ADHFE1: variants seen among roughly 807,000 people sequenced by gnomAD.
The protein encoded by ADHFE1 is alcohol dehydrogenase iron containing 1, also known as hydroxyacid-oxoacid transhydrogenase, mitochondrial.
Under a neutral mutation model 54.8 loss-of-function variants are expected in ADHFE1, and 37 were observed. That is an observed-to-expected ratio of 0.68 (90% CI 0.52 to 0.89). ADHFE1 has a LOEUF of 0.89. Among genes scored for constraint, ADHFE1 ranks in the 40% least tolerant of loss-of-function variants. The probability of loss-of-function intolerance (pLI) is 0.00; values close to 1 mark genes in which losing one functional copy is unlikely to be tolerated. For synonymous variants in ADHFE1, 203 were observed against 229.3 expected, an observed-to-expected ratio of 0.89 and a Z score of 1.04; for missense variants, 601 against 591.2, an observed-to-expected ratio of 1.02 and a Z score of -0.17.
At chr8:66,450,813 TG>T (rs1409526918) in intron 8 of ADHFE1, among the ~76,000 whole-genome samples, 1 of 152,256 alleles carries the variant, frequency 6.6e-6, no homozygotes, top group African/African-American at 2.4e-5. Flanking sequence ...ACCTCATTCT[TG>T]CATTATTCAC....
At chr8:66,460,273 C>G in intron 12 of ADHFE1, 35 bp from the exon 13 acceptor site, 1 of 1,611,296 alleles carries the variant, frequency 6.2e-7, no homozygotes, top group Non-Finnish European at 8.5e-7. Context: ...CCGTTTCTTC[C>G]TCTCTCCCTA....
chr8:66,453,950 C>G (rs1806442083), intron 9 of ADHFE1, 109 bp from the exon 10 acceptor site: 1 of 1,536,206 alleles, frequency 6.5e-7, no homozygotes, highest in African/African-American at 1.4e-5. Flanking sequence ...TTCTTCCTAC[C>G]GAGTAGCATT....
intron 1 of ADHFE1, among the ~76,000 whole-genome samples, chr8:66,438,333 T>G (rs1479092927): frequency 6.7e-6 from 1 of 150,158 alleles, no homozygotes; most frequent in Non-Finnish European, 1.5e-5. Context: ...CTCTAAAGGG[T>G]GAGGGAGGAG....
At chr8:66,444,012 G>T (rs1244001795) in intron 3 of ADHFE1, among the ~76,000 whole-genome samples, 1 of 152,156 alleles carries the variant, frequency 6.6e-6, no homozygotes, top group African/African-American at 2.4e-5. Flanking sequence ...CAGTAGCATT[G>T]ACTGGGTGGC....
chr8:66,467,910 GA>G (rs1807284157), intron 13 of ADHFE1, among the ~76,000 whole-genome samples: 1 of 152,156 alleles, frequency 6.6e-6, no homozygotes, highest in Admixed American at 6.5e-5. Context: ...AGACTTCGGG[GA>G]CGACCCAGTT....
At chr8:66,443,651 T>C (rs1805881603) in intron 3 of ADHFE1, among the ~76,000 whole-genome samples, 2 of 147,604 alleles carry the variant, frequency 1.4e-5, no homozygotes, top group Non-Finnish European at 3.0e-5. Context: ...GGTGATGCCA[T>C]GGTGAGCTCA....
chr8:66,451,751 C>T (rs1806313271), intron 8 of ADHFE1, among the ~76,000 whole-genome samples: 1 of 152,136 alleles, frequency 6.6e-6, no homozygotes, highest in South Asian at 2.1e-4. Flanking sequence ...TTAATGTAAA[C>T]TCAACTGTAT....
rs1563486782 is a variant in ADHFE1, at chr8:66,439,719, A to G, written c.60-443A>G. 3.0e-6 allele frequency: 3 copies of G among 991,846 alleles called. No homozygotes were observed. Among genetic ancestry groups the G allele is most frequent in the Non-Finnish European group, 3.6e-6 (3 of 834,434 alleles). 61.4% of individuals were successfully genotyped at this position (991,846 alleles called of 1,614,324 possible). On this transcript the variant is annotated intron_variant, in intron 1 of 13. Coordinates refer to ENST00000396623, the MANE Select transcript of ADHFE1 (RefSeq NM_144650.3). This position sits in a 1 kb window ranked among gnomAD's most constrained non-coding sequence, Gnocchi z 4.4. Reference sequence around the variant, plus strand: ...AAGAAAAATTAGACATCTTGAAGACACTGGGAAATATATAAGGCAAGTTCC... The same window carrying G: ...AAGAAAAATTAGACATCTTGAAGACGCTGGGAAATATATAAGGCAAGTTCC...
In ADHFE1 at chr8:66,438,435, G is replaced by A. The variant is rs1257971753; in HGVS notation, c.60-1727G>A. ...AAAGGAGCCAGTAAAAGAACAATTA[G>A]AGGAAGCCCAGACAAGTAGGGGTCC... On this transcript the variant is annotated intron_variant, in intron 1 of 13. Transcript: ENST00000396623. Among the ~76,000 whole-genome samples the A allele has an allele frequency of 2.0e-5, 3 of 152,210 alleles. No individual in the cohort carries two copies. In the East Asian group the frequency reaches 5.8e-4, roughly 29 times the overall value.
Position 66,443,264 on chromosome 8 carries a change from A to ATTTTTTTTTTT in ADHFE1, c.144+442_144+452dup, listed in dbSNP as rs540464621. Among the ~76,000 whole-genome samples the ATTTTTTTTTTT allele has an allele frequency of 7.3e-3, 631 of 85,982 alleles. 84 individuals are homozygous for ATTTTTTTTTTT. Among genetic ancestry groups the ATTTTTTTTTTT allele is most frequent in the African/African-American group, 0.02 (481 of 24,064 alleles). 56.4% of individuals were successfully genotyped at this position (85,982 alleles called of 152,430 possible). On this transcript the variant is annotated intron_variant, in intron 3 of 13. Transcript: ENST00000396623. ...GTCCCTGTCTCCTCCTAGTCCAGGA[A>ATTTTTTTTTTT]TTTTTTTTTTTTTTTTTTTTTTTTT...
chr8:66,457,791 C>T (rs1806671571), intron 12 of ADHFE1, among the ~76,000 whole-genome samples: 1 of 145,886 alleles, frequency 6.9e-6, no homozygotes, highest in South Asian at 2.2e-4. Context: ...AATACTGTTT[C>T]CTGTTTTTAT....
At chr8:66,467,040 T>G (rs754906287) in intron 13 of ADHFE1, among the ~76,000 whole-genome samples, 11 of 152,100 alleles carry the variant, frequency 7.2e-5, no homozygotes, top group Non-Finnish European at 1.3e-4. Context: ...AAAAATCACT[T>G]TGGCTGCTGT....
At chr8:66,448,813 C>T in intron 7 of ADHFE1, 52 bp from the exon 8 acceptor site, 1 of 1,462,156 alleles carries the variant, frequency 6.8e-7, no homozygotes, top group South Asian at 1.2e-5. Context: ...CATTTTTCTT[C>T]TTAAAATGAT....
intron 13 of ADHFE1, among the ~76,000 whole-genome samples, chr8:66,465,623 C>T (rs952756947): frequency 7.9e-5 from 12 of 151,932 alleles, no homozygotes; most frequent in Non-Finnish European, 1.6e-4. Flanking sequence ...TTTTTTGAGA[C>T]GGATTCTTGC....
intron 9 of ADHFE1, among the ~76,000 whole-genome samples, chr8:66,452,539 A>T (rs1427552485): frequency 6.6e-6 from 1 of 152,244 alleles, no homozygotes; most frequent in Non-Finnish European, 1.5e-5. Flanking sequence ...CAGTAATCCC[A>T]GCACTTTGGG....
intron 12 of ADHFE1, 31 bp downstream of exon 12, chr8:66,457,197 G>A (rs374851176): frequency 1.6e-5 from 26 of 1,593,404 alleles, no homozygotes; most frequent in Middle Eastern, 1.7e-4. Flanking sequence ...TTCTGTGACC[G>A]GCCAGGCACG....
chr8:66,448,172 C>T (rs1363817484), intron 7 of ADHFE1, among the ~76,000 whole-genome samples: 1 of 152,204 alleles, frequency 6.6e-6, no homozygotes, highest in East Asian at 1.9e-4. Flanking sequence ...AAATGTCTCT[C>T]TTTTTAGTCT....
At chr8:66,451,615 G>T (rs562517867) in intron 8 of ADHFE1, among the ~76,000 whole-genome samples, 13 of 152,276 alleles carry the variant, frequency 8.5e-5, no homozygotes, top group African/African-American at 2.6e-4. Flanking sequence ...CCATAAGGAA[G>T]TCATTTTTTA....
intron 12 of ADHFE1, among the ~76,000 whole-genome samples, chr8:66,458,368 G>A (rs995400829): frequency 7.2e-5 from 11 of 152,200 alleles, no homozygotes; most frequent in Non-Finnish European, 1.2e-4. Flanking sequence ...AATGACACAA[G>A]CCCAGGGCAG....
Sources: allele counts gnomAD v4.1 joint callset (sites outside exome capture counted in the v4.1 genomes callset), GRCh38; gene constraint gnomAD v4.1.1; non-coding constraint Gnocchi (gnomAD v3.1); transcripts MANE v1.5; gene names NCBI Gene and HGNC (gene_info 2026-07-23, HGNC 2026-07-21).